The following FBXO15 variants were observed in gnomAD, a reference collection of about 807,000 sequenced individuals.
FBXO15 encodes F-box only protein 15.
FBXO15 carries 30 observed loss-of-function variants against 49.5 expected under a neutral mutation model. The ratio of observed to expected loss-of-function variants is 0.61; its 90% CI spans 0.45 to 0.82. The LOEUF is 0.82. Ranked by LOEUF, FBXO15 falls within the 40% of genes least tolerant of loss-of-function variation. The probability of loss-of-function intolerance (pLI) is 0.00; values close to 1 mark genes in which losing one functional copy is unlikely to be tolerated. For synonymous variants in FBXO15, 250 were observed against 232.7 expected (o/e 1.07, Z -0.68); for missense variants, 591 against 631.5 (o/e 0.94, Z 0.69).
At chr18:74,132,870 C>G (rs980945520) in intron 3 of FBXO15, among the ~76,000 whole-genome samples, 1 of 152,102 alleles carries the variant, frequency 6.6e-6, no homozygotes, top group Non-Finnish European at 1.5e-5. Context: ...ATCCACACAC[C>G]CCTGTTTTTC....
chr18:74,115,691 T>C (rs1381515647), intron 8 of FBXO15, among the ~76,000 whole-genome samples: 4 of 152,232 alleles, frequency 2.6e-5, no homozygotes, highest in Admixed American at 2.6e-4. Flanking sequence ...TACATATGTA[T>C]CTTTTAAAGG....
At chr18:74,130,368 G>GATACTTTGAGCTGATGCCATC in intron 4 of FBXO15, 48 bp downstream of exon 4, 1 of 1,607,318 alleles carries the variant, frequency 6.2e-7, no homozygotes, top group Non-Finnish European at 8.5e-7. Context: ...CTACGTACAC[G>GATACTTTGAGCTGATGCCATC]ATACTTTGAG....
At chr18:74,090,852 A>G (rs1426028247) in intron 8 of FBXO15, among the ~76,000 whole-genome samples, 2 of 152,184 alleles carry the variant, frequency 1.3e-5, no homozygotes, top group Non-Finnish European at 2.9e-5. Context: ...AGTATATGCC[A>G]TGCACAGATG....
At chr18:74,119,425 T>C (rs1192480268) in intron 8 of FBXO15, among the ~76,000 whole-genome samples, 2 of 152,136 alleles carry the variant, frequency 1.3e-5, no homozygotes, top group African/African-American at 2.4e-5. Flanking sequence ...TACTGCCCCA[T>C]GGAAGTTACT....
At chr18:74,081,853 TTA>T in intron 9 of FBXO15, 72 bp downstream of exon 9, 1 of 1,016,822 alleles carries the variant, frequency 9.8e-7, no homozygotes, top group Non-Finnish European at 1.4e-6. Flanking sequence ...ACAATATAAT[TTA>T]TATATATAAA....
chr18:74,077,021 T>C (rs950470522), intron 9 of FBXO15, among the ~76,000 whole-genome samples: 1 of 152,190 alleles, frequency 6.6e-6, no homozygotes, highest in East Asian at 1.9e-4. Flanking sequence ...ATGTACCCAA[T>C]GGGCAGAAAC....
In FBXO15 at chr18:74,079,899, G is replaced by A. The variant is rs140123867; in HGVS notation, c.1263+2028C>T. Among the ~76,000 whole-genome samples the A allele has an allele frequency of 2.8e-3, 421 of 152,212 alleles. 7 individuals carry two copies. The highest frequency in any genetic ancestry group is 9.8e-3 in the African/African-American group (409 of 41,536). Reference sequence around the variant, plus strand: ...ACGACACAACTAGGCAGCATCCTCCGTCATTATCATTAATATTTTCTCACT... The same window carrying A: ...ACGACACAACTAGGCAGCATCCTCCATCATTATCATTAATATTTTCTCACT... On this transcript the variant is annotated intron_variant, in intron 9 of 9. Transcript: ENST00000419743.
chr18:74,099,656 C>T (rs780414150), intron 8 of FBXO15: 1 of 152,164 alleles, frequency 6.6e-6, no homozygotes, highest in African/African-American at 2.4e-5. Context: ...CTACTAGTTG[C>T]TGCTTTCAAG....
chr18:74,113,734 A>G (rs996405057), intron 8 of FBXO15, among the ~76,000 whole-genome samples: 6 of 152,224 alleles, frequency 3.9e-5, no homozygotes, highest in African/African-American at 1.4e-4. Context: ...GTACCATGCA[A>G]AACATTTTTC....
At chr18:74,125,636 G>C (rs1187559132) in intron 6 of FBXO15, among the ~76,000 whole-genome samples, 1 of 152,190 alleles carries the variant, frequency 6.6e-6, no homozygotes, top group Non-Finnish European at 1.5e-5. Context: ...GAAAGGAAGA[G>C]AAGAAGGAAC....
At chr18:74,102,840 T>C (rs1913583764) in intron 8 of FBXO15, among the ~76,000 whole-genome samples, 2 of 152,024 alleles carry the variant, frequency 1.3e-5, no homozygotes, top group Admixed American at 6.6e-5. Context: ...TTATTCTAAG[T>C]GAAGTAACTC....
chr18:74,112,140 A>C (rs563732644), intron 8 of FBXO15, among the ~76,000 whole-genome samples: 8 of 152,314 alleles, frequency 5.3e-5, no homozygotes, highest in African/African-American at 1.9e-4. Flanking sequence ...ATTCTCTAAA[A>C]TCTCTTTCAA....
chr18:74,078,698 A>G (rs1278516641), intron 9 of FBXO15: 2 of 152,350 alleles, frequency 1.3e-5, no homozygotes, highest in Non-Finnish European at 2.9e-5. Context: ...CTCCTAAATC[A>G]GTCCCTCTCA....
At chr18:74,141,930 T>C (rs1979101604) in intron 1 of FBXO15, among the ~76,000 whole-genome samples, 1 of 152,080 alleles carries the variant, frequency 6.6e-6, no homozygotes, top group Non-Finnish European at 1.5e-5. Context: ...TGTGAATTTT[T>C]CTCTCTAGAA....
chr18:74,129,942 G>A (rs2145202598), intron 4 of FBXO15, among the ~76,000 whole-genome samples: 1 of 152,166 alleles, frequency 6.6e-6, no homozygotes, highest in African/African-American at 2.4e-5. Flanking sequence ...TAAAACTTTA[G>A]GCTACTTACT....
intron 8 of FBXO15, among the ~76,000 whole-genome samples, chr18:74,084,502 A>G (rs1912648957): frequency 6.6e-6 from 1 of 152,240 alleles, no homozygotes; most frequent in Non-Finnish European, 1.5e-5. Flanking sequence ...TAGTTTCACA[A>G]GAGAAGCCAC....
intron 5 of FBXO15, among the ~76,000 whole-genome samples, chr18:74,127,805 C>T (rs1365319359): frequency 6.6e-6 from 1 of 152,212 alleles, no homozygotes; most frequent in Admixed American, 6.5e-5. Flanking sequence ...ATGACCATTT[C>T]AGGGAAATAC....
chr18:74,104,559 G>A (rs72972522), intron 8 of FBXO15, among the ~76,000 whole-genome samples: 11,913 of 151,962 alleles, frequency 0.078, 593 homozygotes, highest in South Asian at 0.1. Context: ...GAAGACACAC[G>A]TTTACTGAAA....
chr18:74,130,747 A>C, intron 3 of FBXO15, 89 bp from the exon 4 acceptor site: 1 of 1,377,574 alleles, frequency 7.3e-7, no homozygotes, highest in Non-Finnish European at 9.9e-7. Flanking sequence ...ATATTTTCAA[A>C]TAATCCAATT....
Sources: allele counts gnomAD v4.1 joint callset (sites outside exome capture counted in the v4.1 genomes callset), GRCh38; gene constraint gnomAD v4.1.1; transcripts MANE v1.5; gene names NCBI Gene and HGNC (gene_info 2026-07-23, HGNC 2026-07-21).